The following CHN2 variants were observed in gnomAD, a reference collection of about 807,000 sequenced individuals.
The protein encoded by CHN2 is chimerin 2.
In CHN2, 35 loss-of-function variants were observed where a neutral mutation model predicts 56.3. The ratio of observed to expected loss-of-function variants is 0.62; its 90% CI spans 0.47 to 0.82. The LOEUF (loss-of-function observed/expected upper bound fraction) is 0.82, where lower values mean the gene tolerates loss of function less well. CHN2 is among the 40% of genes least tolerant of loss of function. The pLI is 0.00. For missense variants in CHN2, 491 were observed against 580.5 expected (o/e 0.85, Z 1.58); for synonymous variants, 210 against 212.8 (o/e 0.99, Z 0.12).
At chr7:29,298,672 C>A (rs1288244268) in intron 1 of CHN2, among the ~76,000 whole-genome samples, 1 of 152,190 alleles carries the variant, frequency 6.6e-6, no homozygotes, top group African/African-American at 2.4e-5. Flanking sequence ...ACTAGAATAT[C>A]GATCCAGGTT....
chr7:29,260,267 G>A (rs1228939904), intron 1 of CHN2, among the ~76,000 whole-genome samples: 6 of 152,090 alleles, frequency 3.9e-5, no homozygotes, highest in East Asian at 1.9e-4. Flanking sequence ...ATGAGCCACC[G>A]CACCTGGATC....
chr7:29,337,435 G>C (rs995878925), intron 1 of CHN2, among the ~76,000 whole-genome samples: 1 of 152,198 alleles, frequency 6.6e-6, no homozygotes, highest in East Asian at 1.9e-4. Context: ...CAGTACAGCT[G>C]TCCCCAACTC....
intron 2 of CHN2, among the ~76,000 whole-genome samples, chr7:29,354,945 TTTA>T (rs1293033356): frequency 1.1e-5 from 1 of 89,722 alleles, no homozygotes; most frequent in Non-Finnish European, 3.1e-5. Flanking sequence ...TTTATTTTTA[TTTA>T]TTTATTTATT....
intron 1 of CHN2, among the ~76,000 whole-genome samples, chr7:29,258,390 T>G (rs1357025934): frequency 6.6e-6 from 1 of 152,236 alleles, no homozygotes. Context: ...CACAATATTT[T>G]GTTTGGTCCA....
rs754195099 is a variant in CHN2 at position 29,400,603 on chromosome 7, G to C, written c.351G>C (p.Glu117Asp). ...ACGACGGGAAACACTTTGTGGGTGA[G>C]AAGAGGTTTGAGTCGATTCATGATC... ...LFHDGKHFVG[E>D]KRFESIHDLV... The change falls in exon 6 of 13, where the codon GAG (glutamate) becomes GAC (aspartate). Residue 117 changes from glutamate to aspartate, a missense_variant. Glu to Asp is a conservative substitution (Grantham distance 45). Transcript: ENST00000222792. 2 of 1,614,176 alleles carry C rather than the reference G, an allele frequency of 1.2e-6. No homozygotes were observed. The highest frequency in any genetic ancestry group is 3.3e-5 in the Admixed American group (2 of 60,018).
At chr7:29,374,706 T>C (rs1432281392) in intron 3 of CHN2, among the ~76,000 whole-genome samples, 1 of 152,108 alleles carries the variant, frequency 6.6e-6, no homozygotes, top group Non-Finnish European at 1.5e-5. Flanking sequence ...AAAAGTAGAA[T>C]GAGGAAAGTA....
intron 1 of CHN2, among the ~76,000 whole-genome samples, chr7:29,218,861 A>C (rs1448571783): frequency 6.6e-6 from 1 of 151,128 alleles, no homozygotes; most frequent in Non-Finnish European, 1.5e-5. Context: ...CTAAATGACG[A>C]GTTAATGGGT....
At position 29,176,292 on chromosome 7, in the gene CHN2, A is replaced by G. The variant is rs1053842494; in HGVS notation, c.274+29332A>G. On this transcript the variant is annotated intron_variant, in intron 2 of 6. Coordinates refer to the CHN2 transcript ENST00000439384. The stretch of plus-strand genomic sequence containing the variant: ...AGAAGGCCAATAGGTCCTGAGCAGG[A>G]TAAATAAAAATAAAGTCACATTTAG... Among the ~76,000 whole-genome samples the G allele has an allele frequency of 3.3e-5, 5 of 152,212 alleles. No homozygotes were observed. In the East Asian group the frequency reaches 9.6e-4, roughly 29 times the overall value.
intron 1 of CHN2, among the ~76,000 whole-genome samples, chr7:29,294,692 C>G (rs923759825): frequency 1.3e-5 from 2 of 152,204 alleles, no homozygotes; most frequent in Non-Finnish European, 2.9e-5. Flanking sequence ...GCCTACTGTA[C>G]AGGTAGAAAT....
intron 8 of CHN2, 68 bp downstream of exon 8, chr7:29,496,104 T>C: frequency 2.2e-6 from 3 of 1,339,382 alleles, no homozygotes; most frequent in Non-Finnish European, 3.1e-6. Flanking sequence ...AGGATGTCTC[T>C]CCAGAGCTGG....
chr7:29,417,898 T>A (rs1426041272), intron 6 of CHN2, among the ~76,000 whole-genome samples: 3 of 152,130 alleles, frequency 2.0e-5, no homozygotes, highest in Non-Finnish European at 4.4e-5. Flanking sequence ...CTTCAGAGCT[T>A]CATAGTAAAG....
At chr7:29,491,211 T>C (rs1017100100) in intron 7 of CHN2, among the ~76,000 whole-genome samples, 5 of 152,134 alleles carry the variant, frequency 3.3e-5, no homozygotes, top group Non-Finnish European at 7.3e-5. Flanking sequence ...TCATGTTATG[T>C]TTTAGTTGTG....
chr7:29,377,887 T>C (rs1357174873), intron 3 of CHN2, among the ~76,000 whole-genome samples: 2 of 152,252 alleles, frequency 1.3e-5, no homozygotes, highest in East Asian at 3.8e-4. Flanking sequence ...CATTTCCTCA[T>C]CTTCTGTGGA....
At chr7:29,507,147 A>T (rs1583441796) in intron 10 of CHN2, 81 bp from the exon 11 acceptor site, 4 of 1,004,212 alleles carry the variant, frequency 4.0e-6, no homozygotes, top group Non-Finnish European at 5.6e-6. Context: ...TCATCGCTGG[A>T]TTTTTTTTTT....
chr7:29,195,629 A>AGAGAGAGAGAGAGTGTGTGT (rs869037854), intron 1 of CHN2, among the ~76,000 whole-genome samples: 64 of 117,544 alleles, frequency 5.4e-4, no homozygotes, highest in East Asian at 4.2e-3. Context: ...AGAGAGAGAG[A>AGAGAGAGAGAGAGTGTGTGT]GTGTGTGTGT....
chr7:29,358,586 C>T (rs572351702), intron 2 of CHN2, among the ~76,000 whole-genome samples: 1 of 152,074 alleles, frequency 6.6e-6, no homozygotes, highest in East Asian at 1.9e-4. Flanking sequence ...CCTCAGCCTC[C>T]CGAGTAGCTG....
chr7:29,236,282 T>C (rs1041144094), intron 1 of CHN2, among the ~76,000 whole-genome samples: 1 of 152,248 alleles, frequency 6.6e-6, no homozygotes, highest in Non-Finnish European at 1.5e-5. Context: ...ACTTGTCTCT[T>C]GGATTTCTCC....
At chr7:29,400,321 G>T in intron 5 of CHN2, 1 of 571,336 alleles carries the variant, frequency 1.8e-6, no homozygotes, top group South Asian at 2.3e-5. Context: ...AGCAGGAACC[G>T]CCATCTCTTC....
At chr7:29,497,110 G>A (rs1789384721) in intron 8 of CHN2, among the ~76,000 whole-genome samples, 1 of 152,136 alleles carries the variant, frequency 6.6e-6, no homozygotes, top group Non-Finnish European at 1.5e-5. Context: ...TACCTGGATG[G>A]TTCAAGTAGT....
Sources: allele counts gnomAD v4.1 joint callset (sites outside exome capture counted in the v4.1 genomes callset), GRCh38; gene constraint gnomAD v4.1.1; transcripts MANE v1.5; gene names NCBI Gene and HGNC (gene_info 2026-07-23, HGNC 2026-07-21).